The following HHIP variants were observed in gnomAD, a reference collection of about 807,000 sequenced individuals.
HHIP encodes the protein hedgehog-interacting protein.
HHIP carries 12 observed loss-of-function variants against 74.0 expected under a neutral mutation model. The observed-to-expected ratio is 0.16, with a 90% CI of 0.10 to 0.26. HHIP has a LOEUF of 0.26. Among genes scored for constraint, HHIP ranks in the 10% least tolerant of loss-of-function variants. HHIP has a pLI of 1.00. For missense variants in HHIP, 788 were observed against 845.0 expected, an observed-to-expected ratio of 0.93 and a Z score of 0.84; for synonymous variants, 309 against 311.6, an observed-to-expected ratio of 0.99 and a Z score of 0.09.
chr4:144,722,621 G>A lies in HHIP; in HGVS notation c.1760+3665G>A, dbSNP rs561380679. Among the ~76,000 whole-genome samples the A allele has an allele frequency of 3.9e-4, 60 of 152,274 alleles. 1 individual carries two copies. The South Asian group carries it at 0.012, about 32-fold the overall frequency. ...TAATCCCAGCACTTTGGGAGGCCGA[G>A]ATGGGAGGATCACTTGAGGTCAGGA... On this transcript the variant is annotated intron_variant, in intron 11 of 12. Transcript: ENST00000296575.
At chr4:144,682,661 T>C (rs1729379233) in intron 4 of HHIP, among the ~76,000 whole-genome samples, 1 of 152,246 alleles carries the variant, frequency 6.6e-6, no homozygotes, top group Non-Finnish European at 1.5e-5. Flanking sequence ...TATTGACTAT[T>C]AGTTATTTTT....
intron 4 of HHIP, among the ~76,000 whole-genome samples, chr4:144,690,820 T>C (rs1294658859): frequency 2.6e-5 from 4 of 152,200 alleles, no homozygotes; most frequent in African/African-American, 9.6e-5. Context: ...ATCATTAGCA[T>C]GGCCAACAGA....
Position 144,685,209 on chromosome 4 carries a change from G to A in HHIP, c.832-21322G>A, listed in dbSNP as rs115068542. ...GTGTACTTTTAGAATTTTCTCCTCT[G>A]TTCAAGCTCAGTAGTTGAAGTATAT... On this transcript the variant is annotated intron_variant, in intron 4 of 12. Transcript: ENST00000296575. 6.8e-3 allele frequency among the ~76,000 whole-genome samples: 1,039 copies of A among 152,236 alleles called. 10 individuals carry two copies. The highest frequency in any genetic ancestry group is 0.024 in the African/African-American group (994 of 41,546).
Position 144,652,967 on chromosome 4 carries a change from G to C in HHIP, c.472+170G>C, listed in dbSNP as rs546768596. Among the ~76,000 whole-genome samples, 20 of 152,180 alleles carry C rather than the reference G, an allele frequency of 1.3e-4. No individual in the cohort carries two copies. The South Asian group carries it at 2.1e-3, about 16-fold the overall frequency. ...ATTTATAACTTTTACTGCCTCTAAA[G>C]GGAATATTGTAATTTCAGTCTGCAA... On this transcript the variant is annotated intron_variant, in intron 2 of 12. Transcript: ENST00000296575.
At chr4:144,729,934 TC>T (rs1175745257) in intron 11 of HHIP, among the ~76,000 whole-genome samples, 2 of 152,200 alleles carry the variant, frequency 1.3e-5, no homozygotes, top group African/African-American at 2.4e-5. Flanking sequence ...AAAATAGATT[TC>T]TGCAGTGCTC....
intron 4 of HHIP, among the ~76,000 whole-genome samples, chr4:144,683,121 G>A (rs184122468): frequency 2.2e-4 from 34 of 152,210 alleles, no homozygotes; most frequent in African/African-American, 6.7e-4. Flanking sequence ...AGGATTTTAC[G>A]TTCTTGTCCA....
chr4:144,717,793 A>G (rs1407879435), intron 10 of HHIP, among the ~76,000 whole-genome samples: 1 of 151,248 alleles, frequency 6.6e-6, no homozygotes, highest in Non-Finnish European at 1.5e-5. Flanking sequence ...CCTCTCCCCC[A>G]GTGTTTATTT....
intron 11 of HHIP, among the ~76,000 whole-genome samples, chr4:144,733,333 C>CAT (rs796304843): frequency 3.9e-5 from 6 of 152,280 alleles, no homozygotes; most frequent in African/African-American, 1.4e-4. Context: ...AGCTACAGAA[C>CAT]ATAGCACTTT....
At chr4:144,724,736 C>T (rs1730751137) in intron 11 of HHIP, among the ~76,000 whole-genome samples, 1 of 145,908 alleles carries the variant, frequency 6.9e-6, no homozygotes, top group East Asian at 2.0e-4. Flanking sequence ...ATATATATAT[C>T]CCATTTCCTG....
At position 144,652,616 on chromosome 4, in the gene HHIP, T is replaced by C. The variant is rs778473209; in HGVS notation, c.291T>C (p.Val97=). 6.2e-7 allele frequency: 1 copy of C among 1,600,282 alleles called. No individual in the cohort carries two copies. The highest frequency in any genetic ancestry group is 1.1e-5 in the South Asian group (1 of 87,872). ...TTTATGGCTTTCAGATATTTTCTGTTACCAACAACACAGAATGTGGGAAGT... is the reference window on the plus strand; with the variant it reads ...TTTATGGCTTTCAGATATTTTCTGTCACCAACAACACAGAATGTGGGAAGT... ...LGRLENKIFS[V]TNNTECGKLL... Residue 97 remains valine, a synonymous_variant, in exon 2 of 13, where the codon GTT becomes GTC. Coordinates refer to ENST00000296575, the MANE Select transcript of HHIP (RefSeq NM_022475.3).
rs149715142 is a variant in HHIP at position 144,658,808 on chromosome 4, C to G, written c.491C>G (p.Ala164Gly). ...GHIPGFLQTT[A>G]DEFCFYYARK... ...TTTAAAGGTTTCCTTCAAACAACTGCGGATGAGTTTTGCTTTTACTATGCA... is the reference window on the plus strand; with the variant it reads ...TTTAAAGGTTTCCTTCAAACAACTGGGGATGAGTTTTGCTTTTACTATGCA... Residue 164 changes from alanine (A) to glycine (G), a missense_variant, in exon 3 of 13, where the codon GCG becomes GGG. Ala to Gly is a moderately conservative substitution (Grantham distance 60). Transcript: ENST00000296575. 4 of 1,611,840 alleles carry G rather than the reference C, an allele frequency of 2.5e-6. No individual in the cohort carries two copies. The highest frequency in any genetic ancestry group is 2.7e-5 in the African/African-American group (2 of 74,802).
chr4:144,726,806 G>A (rs1730818917), intron 11 of HHIP, among the ~76,000 whole-genome samples: 1 of 152,162 alleles, frequency 6.6e-6, no homozygotes, highest in African/African-American at 2.4e-5. Flanking sequence ...GCCTGTACTG[G>A]GTTTCCCTCT....
intron 4 of HHIP, among the ~76,000 whole-genome samples, chr4:144,697,279 A>G (rs1729845960): frequency 6.6e-6 from 1 of 151,896 alleles, no homozygotes; most frequent in Non-Finnish European, 1.5e-5. Flanking sequence ...AAAATTGTTT[A>G]TTGCTAGGAT....
At chr4:144,659,077 C>T (rs1032233591) in intron 3 of HHIP, 131 bp downstream of exon 3, 1 of 649,022 alleles carries the variant, frequency 1.5e-6, no homozygotes, top group Non-Finnish European at 2.5e-6. Context: ...AGTTTTTTCT[C>T]TGTGGTAGTT....
chr4:144,697,242 C>T (rs1297997533), intron 4 of HHIP, among the ~76,000 whole-genome samples: 1 of 151,854 alleles, frequency 6.6e-6, no homozygotes, highest in Non-Finnish European at 1.5e-5. Flanking sequence ...CAAGTGTTAC[C>T]AATGTTTCTA....
In HHIP at chr4:144,708,341, C is replaced by A. The variant is rs778047328; in HGVS notation, c.1301+30C>A. On this transcript the variant is annotated intron_variant, in intron 7 of 12. Coordinates refer to ENST00000296575, the MANE Select transcript of HHIP (RefSeq NM_022475.3). ...GAACACAAGTCTGTCTTCTCACTGG[C>A]TTTTAAGCCAGGCGGGGATCCGAGA... 5.6e-6 allele frequency: 9 copies of A among 1,612,614 alleles called. No individual in the cohort carries two copies. The Admixed American group carries it at 1.2e-4, about 21-fold the overall frequency.
intron 4 of HHIP, among the ~76,000 whole-genome samples, chr4:144,669,293 A>T (rs4834989): frequency 0.073 from 11,178 of 152,226 alleles, 754 homozygotes; most frequent in East Asian, 0.21. Context: ...CCATTTTATA[A>T]CGTGTTATCA....
chr4:144,683,279 A>T (rs1729395814), intron 4 of HHIP, among the ~76,000 whole-genome samples: 1 of 152,244 alleles, frequency 6.6e-6, no homozygotes, highest in Non-Finnish European at 1.5e-5. Flanking sequence ...CTTGAGATAA[A>T]CACAGAGCTA....
Position 144,646,821 on chromosome 4 carries a change from A to G in HHIP, c.146A>G (p.Lys49Arg), listed in dbSNP as rs200140524. The change falls in exon 1 of 13, where the codon AAA becomes AGA. Residue 49 changes from lysine to arginine, a missense_variant. Lys to Arg is a conservative substitution (Grantham distance 26, BLOSUM62 2). Coordinates refer to ENST00000296575, the MANE Select transcript of HHIP (RefSeq NM_022475.3). ...CLNGNPPKRL[K>R]RRDRRMMSQL... ...AATGGGAACCCCCCGAAGCGCCTGA[A>G]AAGGAGAGACAGGAGGATGATGTCC... The G allele has an allele frequency of 6.2e-7, 1 of 1,614,220 alleles. No homozygotes were observed. The highest frequency in any genetic ancestry group is 1.3e-5 in the African/African-American group (1 of 75,052).
Sources: allele counts gnomAD v4.1 joint callset (sites outside exome capture counted in the v4.1 genomes callset), GRCh38; gene constraint gnomAD v4.1.1; transcripts MANE v1.5; gene names NCBI Gene and HGNC (gene_info 2026-07-23, HGNC 2026-07-21).